The following FRMD4A variants were observed in gnomAD, a reference collection of about 807,000 sequenced individuals.
The protein encoded by FRMD4A is FERM domain containing 4A, also known as FERM domain-containing protein 4A.
A neutral mutation model predicts 129.1 loss-of-function variants in FRMD4A; 29 were observed. The observed-to-expected ratio is 0.22, with a 90% CI of 0.17 to 0.31. FRMD4A has a LOEUF of 0.31. Ranked by LOEUF, FRMD4A falls within the 10% of genes least tolerant of loss-of-function variation. The probability of loss-of-function intolerance (pLI) is 1.00; values close to 1 mark genes in which losing one functional copy is unlikely to be tolerated. For missense variants in FRMD4A, 1,272 were observed against 1,375.8 expected (o/e 0.92, Z 1.19); for synonymous variants, 634 against 571.6 (o/e 1.11, Z -1.56).
intron 10 of FRMD4A, 26 bp downstream of exon 10, chr10:13,740,486 A>C: frequency 7.2e-7 from 1 of 1,384,274 alleles, no homozygotes; most frequent in Non-Finnish European, 1.0e-6. Context: ...CACTGTCCCC[A>C]TGTGAGCTGG....
At chr10:13,907,521 G>T (rs111352484) in intron 2 of FRMD4A, among the ~76,000 whole-genome samples, 13 of 152,132 alleles carry the variant, frequency 8.5e-5, no homozygotes. Flanking sequence ...CACAACCGCC[G>T]ATTCTTACAA....
chr10:14,202,845 T>C (rs1254668820), intron 2 of FRMD4A, among the ~76,000 whole-genome samples: 1 of 152,178 alleles, frequency 6.6e-6, no homozygotes, highest in Non-Finnish European at 1.5e-5. Context: ...CAATCATGGC[T>C]CAATGTAACC....
intron 8 of FRMD4A, among the ~76,000 whole-genome samples, chr10:13,750,149 A>AAAGAAAGAAAGAAAGAAAGAAAGG (rs1564739697): frequency 1.3e-5 from 2 of 148,856 alleles, no homozygotes; most frequent in East Asian, 2.0e-4. Flanking sequence ...AGAAAGAAAG[A>AAAGAAAGAAAGAAAGAAAGAAAGG]AAAGAGAGAA....
chr10:13,883,552 C>T (rs1320402204), intron 2 of FRMD4A, among the ~76,000 whole-genome samples: 7 of 152,148 alleles, frequency 4.6e-5, no homozygotes, highest in Admixed American at 2.6e-4. Flanking sequence ...ATACTATTCT[C>T]GTATTCTCTG....
rs147331603 is a variant in FRMD4A, at chr10:13,947,401, G to C, written c.46-88489C>G. Among the ~76,000 whole-genome samples the C allele has an allele frequency of 1.3e-4, 20 of 152,048 alleles. No individual in the cohort carries two copies. In the East Asian group the frequency reaches 3.7e-3, roughly 28 times the overall value. On this transcript the variant is annotated intron_variant, in intron 2 of 24. Coordinates refer to ENST00000357447, the MANE Select transcript of FRMD4A (RefSeq NM_018027.5). ...TAATTGAGTGGGATTTTAAACAAGGGGAGCTTGTTGCAGAGTCCACTGACT... is the reference window on the plus strand; with the variant it reads ...TAATTGAGTGGGATTTTAAACAAGGCGAGCTTGTTGCAGAGTCCACTGACT...
chr10:13,823,255 C>A (rs1186425414), intron 3 of FRMD4A, among the ~76,000 whole-genome samples: 3 of 152,110 alleles, frequency 2.0e-5, no homozygotes, highest in African/African-American at 7.2e-5. Context: ...CCCCGGGGGA[C>A]TCTGGGAGGC....
In FRMD4A at chr10:13,651,966, G is replaced by C. The variant is rs775343064; in HGVS notation, c.3059C>G (p.Thr1020Arg). The change falls in exon 24 of 25, where the codon ACA becomes AGA. Residue 1020 changes from threonine to arginine, a missense_variant. By Grantham distance (71) the Thr-to-Arg change is moderately conservative. Around this residue, in one of 2 missense-constraint regions of FRMD4A, gnomAD observed 972 missense variants for 892.3 expected, o/e 1.09. Transcript: ENST00000357447. ...CCCATCCAGAATGGGTGAGTTTTCT[G>C]TTGCTTCTCTGAACAAAGGAAAGCA... ...HILTWQTGEA[T>R]ENSPILDGSE... 2 of 1,581,650 alleles carry C rather than the reference G, an allele frequency of 1.3e-6. No homozygotes were observed. Among genetic ancestry groups the C allele is most frequent in the Non-Finnish European group, 1.7e-6 (2 of 1,150,478 alleles).
intron 2 of FRMD4A, among the ~76,000 whole-genome samples, chr10:14,144,262 C>T (rs1387583212): frequency 6.6e-6 from 1 of 152,138 alleles, no homozygotes; most frequent in Admixed American, 6.5e-5. Flanking sequence ...CTGCAGCAGT[C>T]ACATTACCTG....
intron 6 of FRMD4A, among the ~76,000 whole-genome samples, chr10:13,764,298 A>C (rs2092195732): frequency 6.6e-6 from 1 of 151,356 alleles, no homozygotes; most frequent in African/African-American, 2.4e-5. Flanking sequence ...TGAGCCCAGG[A>C]GTTCAAGACC....
chr10:13,840,896 C>T (rs958323873), intron 3 of FRMD4A, among the ~76,000 whole-genome samples: 3 of 151,600 alleles, frequency 2.0e-5, no homozygotes, highest in Non-Finnish European at 4.4e-5. Flanking sequence ...ATCACTTGAG[C>T]CAGGAGTTCG....
intron 2 of FRMD4A, chr10:13,972,048 C>T (rs2095521789): frequency 8.7e-7 from 1 of 1,156,066 alleles, no homozygotes; most frequent in African/African-American, 1.6e-5. Flanking sequence ...AAAGTGTTTT[C>T]TCCTTGTCTC....
At chr10:14,234,501 G>A (rs1377108280) in intron 2 of FRMD4A, among the ~76,000 whole-genome samples, 2 of 152,172 alleles carry the variant, frequency 1.3e-5, no homozygotes, top group South Asian at 2.1e-4. Flanking sequence ...GCCAGCCCAC[G>A]TTACTCTGGG....
chr10:14,031,625 C>T (rs1037602736), intron 2 of FRMD4A, among the ~76,000 whole-genome samples: 5 of 152,152 alleles, frequency 3.3e-5, no homozygotes, highest in African/African-American at 1.2e-4. Context: ...ATTTCCATGC[C>T]TTCCGGAGTT....
intron 5 of FRMD4A, among the ~76,000 whole-genome samples, chr10:13,790,041 A>T (rs2092960626): frequency 6.6e-6 from 1 of 152,058 alleles, no homozygotes; most frequent in African/African-American, 2.4e-5. Flanking sequence ...GGAGAGGTTT[A>T]TGGAAGCCCT....
intron 15 of FRMD4A, among the ~76,000 whole-genome samples, chr10:13,682,770 A>C (rs2084727056): frequency 1.3e-5 from 2 of 151,772 alleles, no homozygotes; most frequent in South Asian, 4.2e-4. Context: ...GGCCTCCCAA[A>C]GTGCTGGGAT....
intron 2 of FRMD4A, among the ~76,000 whole-genome samples, chr10:14,311,022 C>T (rs1846529317): frequency 6.6e-6 from 1 of 152,172 alleles, no homozygotes; most frequent in Non-Finnish European, 1.5e-5. Flanking sequence ...TCAAACACAG[C>T]AGACCCTCAA....
chr10:14,094,656 C>T, intron 2 of FRMD4A, among the ~76,000 whole-genome samples: 1 of 152,170 alleles, frequency 6.6e-6, no homozygotes, highest in East Asian at 1.9e-4. Context: ...CTTCAGAAAC[C>T]ACCTTGCCTC....
intron 2 of FRMD4A, among the ~76,000 whole-genome samples, chr10:13,998,567 C>T (rs7478263): frequency 0.28 from 42,694 of 151,956 alleles, 7,199 homozygotes; most frequent in East Asian, 0.73. Flanking sequence ...TCTCTCCCGC[C>T]CAGGCTGTCA....
At chr10:14,153,196 G>T (rs1035432056) in intron 2 of FRMD4A, among the ~76,000 whole-genome samples, 1 of 152,256 alleles carries the variant, frequency 6.6e-6, no homozygotes, top group Non-Finnish European at 1.5e-5. Flanking sequence ...ATCCAGAGAA[G>T]TGAGGGCTTA....
Sources: gnomAD v4.1 joint callset for allele counts (sites outside exome capture counted in the v4.1 genomes callset) on GRCh38, gnomAD v4.1.1 for gene constraint, gnomAD v4.1.1 regional missense constraint, MANE v1.5 for transcripts, NCBI Gene and HGNC (gene_info 2026-07-23, HGNC 2026-07-21) for gene names.